The following ABCA13 variants were observed in gnomAD, a reference collection of about 807,000 sequenced individuals.
ABCA13 encodes the protein ATP-binding cassette sub-family A member 13.
ABCA13 carries 476 observed loss-of-function variants against 478.7 expected under a neutral mutation model. The ratio of observed to expected loss-of-function variants is 0.99; its 90% CI spans 0.92 to 1.07. The LOEUF (loss-of-function observed/expected upper bound fraction) is 1.07, where lower values mean the gene tolerates loss of function less well. Among genes scored for constraint, ABCA13 ranks in the 50% least tolerant of loss-of-function variants. The pLI is 0.00. For missense variants in ABCA13, 6,060 were observed against 5,910.6 expected, an observed-to-expected ratio of 1.03 and a Z score of -0.83; for synonymous variants, 2,252 against 2,158.9, an observed-to-expected ratio of 1.04 and a Z score of -1.20.
In ABCA13 at chr7:48,279,220, G is replaced by T. The variant is rs375142489; in HGVS notation, c.8026G>T (p.Glu2676Ter). 43 of 1,590,294 alleles carry T rather than the reference G, an allele frequency of 2.7e-5. No homozygotes were observed. The African/African-American group carries it at 4.4e-4, about 16-fold the overall frequency. ...FSMDSVNLRE[E>*]ILGCLVPINN... is the part of the protein sequence containing the mutation. ...TATGGATTCTGTCAACTTACGGGAA[G>T]AAATTCTGGGTTGCTTAGTTCCTAT... Residue 2676 changes from glutamate (E) to a stop codon, truncating the protein, a stop_gained, in exon 18 of 62, where the codon GAA (glutamate) becomes TAA (stop). Coordinates refer to ENST00000435803, the MANE Select transcript of ABCA13 (RefSeq NM_152701.5). LOFTEE classifies it high-confidence loss of function.
chr7:48,292,176 C>T (rs539423038), intron 20 of ABCA13, among the ~76,000 whole-genome samples: 1 of 152,158 alleles, frequency 6.6e-6, no homozygotes, highest in African/African-American at 2.4e-5. Context: ...GCAGGCCCCT[C>T]AACTTTACTC....
At chr7:48,573,216 A>G (rs2131330256) in intron 55 of ABCA13, among the ~76,000 whole-genome samples, 1 of 152,246 alleles carries the variant, frequency 6.6e-6, no homozygotes, top group Admixed American at 6.5e-5. Context: ...TCAATTTTCT[A>G]GTATAATTCA....
At chr7:48,227,232 A>G in intron 5 of ABCA13, 30 bp from the exon 6 acceptor site, 1 of 1,609,334 alleles carries the variant, frequency 6.2e-7, no homozygotes, top group Non-Finnish European at 8.5e-7. Context: ...CTCCAGAGGG[A>G]AACTTTTGGT....
intron 58 of ABCA13, among the ~76,000 whole-genome samples, chr7:48,613,763 G>T (rs1792261901): frequency 6.7e-6 from 1 of 149,182 alleles, no homozygotes; most frequent in Non-Finnish European, 1.5e-5. Flanking sequence ...AATTTTAAAG[G>T]TATACTTTAT....
intron 31 of ABCA13, among the ~76,000 whole-genome samples, chr7:48,356,625 C>T (rs1160627625): frequency 1.3e-5 from 2 of 151,876 alleles, no homozygotes; most frequent in Admixed American, 1.3e-4. Context: ...ATCTCTCTCT[C>T]TCCTCCTTTT....
At chr7:48,236,958 G>A (rs1790048101) in intron 8 of ABCA13, among the ~76,000 whole-genome samples, 5 of 150,066 alleles carry the variant, frequency 3.3e-5, no homozygotes, top group Admixed American at 3.3e-4. Flanking sequence ...CTAGCCAAGG[G>A]AAAAAACTGG....
At chr7:48,613,797 G>T (rs1300631329) in intron 58 of ABCA13, among the ~76,000 whole-genome samples, 3 of 148,098 alleles carry the variant, frequency 2.0e-5, no homozygotes, top group Non-Finnish European at 4.5e-5. Flanking sequence ...TTTTCTCATG[G>T]GAGTGATAAA....
intron 55 of ABCA13, among the ~76,000 whole-genome samples, chr7:48,577,976 T>G (rs1788351535): frequency 6.6e-6 from 1 of 152,130 alleles, no homozygotes; most frequent in Admixed American, 6.6e-5. Flanking sequence ...GAAAAGATGG[T>G]TTGATCCTAT....
chr7:48,310,624 T>C (rs913621401), intron 24 of ABCA13, among the ~76,000 whole-genome samples: 4 of 152,048 alleles, frequency 2.6e-5, no homozygotes, highest in African/African-American at 9.7e-5. Flanking sequence ...GGGCCTGCCC[T>C]GGAGAGAATG....
chr7:48,247,064 A>G (rs551976005), intron 13 of ABCA13, among the ~76,000 whole-genome samples: 1 of 152,014 alleles, frequency 6.6e-6, no homozygotes, highest in South Asian at 2.1e-4. Context: ...GCTAAACCCC[A>G]TCTCTACAAA....
rs187875475 is a variant in ABCA13, at chr7:48,348,689, C to A, written c.10205-1954C>A. On this transcript the variant is annotated intron_variant, in intron 29 of 61. Transcript: ENST00000435803. Reference sequence around the variant, plus strand: ...AAATGGCTTTATGCCTTTTTTATATCTTTTATTTCTCTCTGGAAAACAGTA... The same window carrying A: ...AAATGGCTTTATGCCTTTTTTATATATTTTATTTCTCTCTGGAAAACAGTA... 2.5e-3 allele frequency among the ~76,000 whole-genome samples: 382 copies of A among 152,254 alleles called. 2 individuals carry two copies. The highest frequency in any genetic ancestry group is 8.8e-3 in the African/African-American group (365 of 41,530).
Position 48,275,261 on chromosome 7 carries a change from TC to T in ABCA13, c.5599del (p.Gln1867LysfsTer16). 6.2e-7 allele frequency: 1 copy of T among 1,613,862 alleles called. No individual in the cohort carries two copies. Among genetic ancestry groups the T allele is most frequent in the Non-Finnish European group, 8.5e-7 (1 of 1,179,832 alleles). ...ASILDHFHLS[P>X]QGEDSPCSNE... ...GTATACTTGATCATTTCCACCTGTC[TC>T]CCCAAGGTGAAGATTCACCATGTTC... On this transcript the variant is annotated frameshift_variant, in exon 17 of 62. Transcript: ENST00000435803. LOFTEE classifies it high-confidence loss of function.
chr7:48,411,119 T>C (rs932084437), intron 40 of ABCA13, among the ~76,000 whole-genome samples: 1 of 123,908 alleles, frequency 8.1e-6, no homozygotes, highest in African/African-American at 2.7e-5. Context: ...TTTTTCTTTC[T>C]CTCCTTTCCT....
intron 31 of ABCA13, among the ~76,000 whole-genome samples, chr7:48,363,526 T>C (rs1585017378): frequency 6.6e-6 from 1 of 152,106 alleles, no homozygotes; most frequent in East Asian, 1.9e-4. Context: ...GCTTTGCAAA[T>C]TTAGAAATAC....
At chr7:48,544,272 C>A (rs1443347018) in intron 55 of ABCA13, among the ~76,000 whole-genome samples, 2 of 151,622 alleles carry the variant, frequency 1.3e-5, no homozygotes, top group Admixed American at 1.3e-4. Context: ...TGTCTTAGAC[C>A]CATTTCCAAG....
At chr7:48,487,489 T>C (rs1325371788) in intron 47 of ABCA13, among the ~76,000 whole-genome samples, 1 of 152,072 alleles carries the variant, frequency 6.6e-6, no homozygotes, top group African/African-American at 2.4e-5. Context: ...TTTTAAGTTT[T>C]TTTTTTAATC....
At chr7:48,462,172 G>A (rs1244978167) in intron 43 of ABCA13, among the ~76,000 whole-genome samples, 1 of 152,034 alleles carries the variant, frequency 6.6e-6, no homozygotes, top group Non-Finnish European at 1.5e-5. Context: ...GAAAAGTAAG[G>A]CAGGAAGTCT....
At chr7:48,448,030 C>T (rs1824516223) in intron 42 of ABCA13, among the ~76,000 whole-genome samples, 1 of 152,128 alleles carries the variant, frequency 6.6e-6, no homozygotes, top group Admixed American at 6.5e-5. Context: ...CTCCTACTTG[C>T]ATTATCATCA....
At chr7:48,598,719 A>G (rs1190598358) in intron 58 of ABCA13, among the ~76,000 whole-genome samples, 1 of 151,956 alleles carries the variant, frequency 6.6e-6, no homozygotes, top group African/African-American at 2.4e-5. Context: ...TTATTTTTAT[A>G]TGGTTTGTGC....
Sources: gnomAD v4.1 joint callset for allele counts (sites outside exome capture counted in the v4.1 genomes callset) on GRCh38, gnomAD v4.1.1 for gene constraint, MANE v1.5 for transcripts, NCBI Gene and HGNC (gene_info 2026-07-23, HGNC 2026-07-21) for gene names.